The following MCC variants were observed in gnomAD, a reference collection of about 807,000 sequenced individuals.
MCC encodes MCC regulator of Wnt signaling pathway, also known as colorectal mutant cancer protein.
MCC carries 90 observed loss-of-function variants against 116.2 expected under a neutral mutation model. The ratio of observed to expected loss-of-function variants is 0.77; its 90% CI spans 0.65 to 0.92. MCC has a LOEUF of 0.92. Among genes scored for constraint, MCC ranks in the 40% least tolerant of loss-of-function variants. The probability of loss-of-function intolerance (pLI) is 0.00; values close to 1 mark genes in which losing one functional copy is unlikely to be tolerated. For missense variants in MCC, 1,516 were observed against 1,312.2 expected, an observed-to-expected ratio of 1.16 and a Z score of -2.40; for synonymous variants, 578 against 510.5, an observed-to-expected ratio of 1.13 and a Z score of -1.78.
chr5:113,129,757 A>C (rs1221569350), intron 5 of MCC, among the ~76,000 whole-genome samples: 1 of 152,248 alleles, frequency 6.6e-6, no homozygotes, highest in Non-Finnish European at 1.5e-5. Context: ...CTGGTCATTA[A>C]AGAAATGCAA....
chr5:113,140,294 T>C (rs1246743463), intron 5 of MCC, among the ~76,000 whole-genome samples: 1 of 152,150 alleles, frequency 6.6e-6, no homozygotes, highest in African/African-American at 2.4e-5. Flanking sequence ...AAAATAGGAC[T>C]TGCTTTATTA....
intron 3 of MCC, among the ~76,000 whole-genome samples, chr5:113,165,678 G>A (rs965243111): frequency 1.3e-5 from 2 of 152,110 alleles, no homozygotes; most frequent in African/African-American, 2.4e-5. Context: ...TGGGGTTTAC[G>A]TTTATTGGTT....
intron 1 of MCC, among the ~76,000 whole-genome samples, chr5:113,465,418 T>C (rs923728220): frequency 1.3e-5 from 2 of 152,028 alleles, no homozygotes; most frequent in African/African-American, 2.4e-5. Context: ...AATAAACCCA[T>C]AAAATACTTA....
At chr5:113,458,721 G>C (rs368961046) in intron 1 of MCC, among the ~76,000 whole-genome samples, 3 of 152,186 alleles carry the variant, frequency 2.0e-5, no homozygotes, top group African/African-American at 7.2e-5. Flanking sequence ...CTGAGCTGCT[G>C]AGACAATTAG....
intron 3 of MCC, among the ~76,000 whole-genome samples, chr5:113,248,629 T>G (rs1313160351): frequency 6.6e-6 from 1 of 152,128 alleles, no homozygotes; most frequent in Admixed American, 6.5e-5. Flanking sequence ...GTTGACCCTC[T>G]AAATGCCAAG....
In MCC at chr5:113,220,761, C is replaced by T. The variant is rs552010252; in HGVS notation, c.628-69339G>A. ...TTTTCTACACAGACAGTTATGTTATCTTTGAATAAAGAAATTTTTACATTT... is the reference window on the plus strand; with the variant it reads ...TTTTCTACACAGACAGTTATGTTATTTTTGAATAAAGAAATTTTTACATTT... On this transcript the variant is annotated intron_variant, in intron 3 of 18. Coordinates refer to ENST00000408903, the MANE Select transcript of MCC (RefSeq NM_001085377.2). Among the ~76,000 whole-genome samples the T allele has an allele frequency of 3.9e-5, 6 of 152,286 alleles. No homozygotes were observed. The South Asian group carries it at 1.2e-3, about 32-fold the overall frequency.
chr5:113,309,912 T>TCCTTCTTCCCTCCCTC (rs1767096710), intron 3 of MCC, among the ~76,000 whole-genome samples: 2 of 150,500 alleles, frequency 1.3e-5, no homozygotes, highest in Admixed American at 1.3e-4. Flanking sequence ...CTTCCTTCCT[T>TCCTTCTTCCCTCCCTC]CCTTCTTCCC....
chr5:113,458,777 A>G (rs1465880647), intron 1 of MCC, among the ~76,000 whole-genome samples: 3 of 152,150 alleles, frequency 2.0e-5, no homozygotes, highest in Non-Finnish European at 4.4e-5. Flanking sequence ...AAGAGTGCTT[A>G]AGGCCCTGTA....
intron 3 of MCC, among the ~76,000 whole-genome samples, chr5:113,168,293 T>C (rs75915814): frequency 0.01 from 1,537 of 152,318 alleles, 35 homozygotes; most frequent in African/African-American, 0.033. Context: ...ATTAAAATTT[T>C]GATGAAAATG....
chr5:113,484,852 G>A (rs171181), intron 1 of MCC, among the ~76,000 whole-genome samples: 96,253 of 152,062 alleles, frequency 0.63, 33,048 homozygotes, highest in African/African-American at 0.91. Context: ...CTATAATATG[G>A]TATGCAGGGT....
chr5:113,468,536 T>C, intron 1 of MCC, among the ~76,000 whole-genome samples: 1 of 152,216 alleles, frequency 6.6e-6, no homozygotes, highest in Admixed American at 6.5e-5. Flanking sequence ...TGAAGCCCAC[T>C]TGATCATGGT....
intron 3 of MCC, among the ~76,000 whole-genome samples, chr5:113,334,016 T>G: frequency 6.8e-6 from 1 of 146,012 alleles, no homozygotes; most frequent in Admixed American, 6.9e-5. Flanking sequence ...GTATAATTAA[T>G]TTTAGTGTAC....
At chr5:113,223,609 AT>A (rs538175567) in intron 3 of MCC, among the ~76,000 whole-genome samples, 3 of 152,172 alleles carry the variant, frequency 2.0e-5, no homozygotes, top group South Asian at 4.2e-4. Flanking sequence ...CTACTTGAGA[AT>A]TTTTTTTAAA....
chr5:113,368,033 C>G (rs908144001), intron 2 of MCC, among the ~76,000 whole-genome samples: 14 of 152,092 alleles, frequency 9.2e-5, no homozygotes, highest in Non-Finnish European at 2.1e-4. Flanking sequence ...TAAGCTGAAG[C>G]CAAGCCCCAT....
intron 4 of MCC, among the ~76,000 whole-genome samples, chr5:113,149,781 C>T (rs1759737960): frequency 6.6e-6 from 1 of 152,052 alleles, no homozygotes; most frequent in Non-Finnish European, 1.5e-5. Flanking sequence ...CAAGGTGTGC[C>T]ATTGAACAAC....
intron 3 of MCC, among the ~76,000 whole-genome samples, chr5:113,183,087 T>C (rs947145543): frequency 1.3e-5 from 2 of 152,172 alleles, no homozygotes; most frequent in East Asian, 1.9e-4. Flanking sequence ...GGAAACATGA[T>C]AGGATTTATA....
At chr5:113,149,117 T>C (rs965879728) in intron 4 of MCC, among the ~76,000 whole-genome samples, 1 of 152,200 alleles carries the variant, frequency 6.6e-6, no homozygotes, top group Admixed American at 6.5e-5. Flanking sequence ...TTTTCTTTTT[T>C]AAAACAAATT....
chr5:113,064,120 G>A lies in MCC; in HGVS notation c.2077C>T (p.His693Tyr), dbSNP rs145236815. 163 of 1,613,944 alleles carry A rather than the reference G, an allele frequency of 1.0e-4. No individual in the cohort carries two copies. The Middle Eastern group carries it at 1.2e-3, about 11-fold the overall frequency. Residue 693 changes from histidine (H) to tyrosine (Y), a missense_variant, in exon 14 of 19, where the codon CAT (histidine) becomes TAT (tyrosine). By Grantham distance (83) the His-to-Tyr change is moderately conservative. Coordinates refer to ENST00000408903, the MANE Select transcript of MCC (RefSeq NM_001085377.2). ...ENITQMLKRAHDCRKTAENAA... is the reference protein window; with the variant it reads ...ENITQMLKRAYDCRKTAENAA... The stretch of plus-strand genomic sequence containing the variant: ...TTCTCAGCTGTCTTCCGGCAGTCAT[G>A]AGCTCGCTTGAGCATCTGAGTGATG...
In MCC at chr5:113,177,427, T is replaced by C. The variant is rs182016139; in HGVS notation, c.628-26005A>G. On this transcript the variant is annotated intron_variant, in intron 3 of 18. Coordinates refer to ENST00000408903, the MANE Select transcript of MCC (RefSeq NM_001085377.2). Reference sequence around the variant, plus strand: ...TTGTGTGCCTTGTGCAATGACACAATGTGGACTTTCAGCAATGGTTAGGAA... The same window carrying C: ...TTGTGTGCCTTGTGCAATGACACAACGTGGACTTTCAGCAATGGTTAGGAA... Among the ~76,000 whole-genome samples, 334 of 152,338 alleles carry C rather than the reference T, an allele frequency of 2.2e-3. 1 individual carries two copies. Among genetic ancestry groups the C allele is most frequent in the Non-Finnish European group, 3.8e-3 (258 of 68,024 alleles).
Sources: allele counts gnomAD v4.1 joint callset (sites outside exome capture counted in the v4.1 genomes callset), GRCh38; gene constraint gnomAD v4.1.1; transcripts MANE v1.5; gene names NCBI Gene and HGNC (gene_info 2026-07-23, HGNC 2026-07-21).